Variants in PKP1 observed in about 807,000 individuals in gnomAD.
PKP1 encodes plakophilin 1, also known as plakophilin-1.
Under a neutral mutation model 76.4 loss-of-function variants are expected in PKP1, and 27 were observed. The ratio of observed to expected loss-of-function variants is 0.35; its 90% CI spans 0.26 to 0.49. PKP1 has a LOEUF of 0.49. Among genes scored for constraint, PKP1 ranks in the 20% least tolerant of loss-of-function variants. The pLI is 0.99. For missense variants in PKP1, 964 were observed against 955.2 expected (o/e 1.01, Z -0.12); for synonymous variants, 404 against 384.2 (o/e 1.05, Z -0.60).
chr1:201,317,820 G>C, intron 5 of PKP1, 41 bp downstream of exon 5: 1 of 1,574,668 alleles, frequency 6.4e-7, no homozygotes, highest in Non-Finnish European at 8.7e-7. Flanking sequence ...TGAGGGCTGT[G>C]CAAGGCCACT....
chr1:201,310,507 G>C (rs1292197360), intron 2 of PKP1, among the ~76,000 whole-genome samples: 1 of 152,322 alleles, frequency 6.6e-6, no homozygotes, highest in Non-Finnish European at 1.5e-5. Context: ...TGCCGTTTCA[G>C]CCTTCAAGGC....
intron 2 of PKP1, 75 bp from the exon 3 acceptor site, chr1:201,313,091 G>C (rs1214506616): frequency 6.9e-7 from 1 of 1,458,046 alleles, no homozygotes; most frequent in Non-Finnish European, 9.5e-7. Flanking sequence ...GGGGAGGGCT[G>C]TATCTCATGC....
At chr1:201,321,720 C>G (rs1383594845) in intron 7 of PKP1, among the ~76,000 whole-genome samples, 3 of 152,186 alleles carry the variant, frequency 2.0e-5, no homozygotes, top group African/African-American at 7.2e-5. Context: ...ATTGTAGTCT[C>G]ATTTTACATT....
rs1571570142 is a variant in PKP1, at chr1:201,332,908, C to G, written c.*2867C>G. 1 of 152,168 alleles carries G rather than the reference C, an allele frequency of 6.6e-6. No homozygotes were observed. Among genetic ancestry groups the G allele is most frequent in the Non-Finnish European group, 1.5e-5 (1 of 68,024 alleles). The allele number at this position is 152,168 out of a possible 1,614,324, so 9.4% of individuals were successfully genotyped here. On this transcript the variant is annotated 3_prime_UTR_variant, in exon 14 of 14. Transcript: ENST00000367324. ...TAGAGGAACCTTGTGCCGGCCAGGC[C>G]CAGTTTCCTTGTGTGATACACTAAT...
At chr1:201,309,388 C>T (rs1338578803) in intron 2 of PKP1, among the ~76,000 whole-genome samples, 1 of 152,088 alleles carries the variant, frequency 6.6e-6, no homozygotes, top group Non-Finnish European at 1.5e-5. Context: ...TGTGGGACCC[C>T]TCAAAAGCCC....
intron 4 of PKP1, 90 bp downstream of exon 4, chr1:201,316,787 T>A: frequency 7.1e-7 from 1 of 1,418,084 alleles, no homozygotes; most frequent in South Asian, 1.2e-5. Context: ...GGTGAGGGCA[T>A]CTGCAGTTGG....
At chr1:201,314,196 T>C (rs1238448718) in intron 3 of PKP1, among the ~76,000 whole-genome samples, 2 of 152,192 alleles carry the variant, frequency 1.3e-5, no homozygotes, top group Admixed American at 6.5e-5. Context: ...CTCACGCCTG[T>C]AATCCCAGCA....
At chr1:201,323,268 C>T in intron 9 of PKP1, 79 bp downstream of exon 9, 1 of 1,374,452 alleles carries the variant, frequency 7.3e-7, no homozygotes, top group South Asian at 1.2e-5. Flanking sequence ...TCCTTTTCCC[C>T]CCAGCCTGTC....
chr1:201,292,257 C>A lies in PKP1; in HGVS notation c.203-1685C>A, dbSNP rs562038324. 1.6e-4 allele frequency among the ~76,000 whole-genome samples: 25 copies of A among 152,290 alleles called. No homozygotes were observed. The East Asian group carries it at 4.8e-3, about 29-fold the overall frequency. ...TCAGGCACGTGTCACTATCATCACA[C>A]CACCACAGGGCAGTGGAACTGTACG... On this transcript the variant is annotated intron_variant, in intron 1 of 13. Coordinates refer to ENST00000367324, the MANE Select transcript of PKP1 (RefSeq NM_001005337.3).
Position 201,322,986 on chromosome 1 carries a change from C to A in PKP1, c.1504-27C>A, listed in dbSNP as rs1656994543. ...GTCCTCTCACAAGGCTCCCCATTGA[C>A]CCCCCTGACCGGCTCTTTATCCTCA... is the stretch of plus-strand genomic sequence containing the variant. On this transcript the variant is annotated intron_variant, in intron 8 of 13. Transcript: ENST00000367324. 2.5e-6 allele frequency: 4 copies of A among 1,609,678 alleles called. No homozygotes were observed. In the South Asian group the frequency reaches 3.3e-5, roughly 13 times the overall value.
intron 2 of PKP1, among the ~76,000 whole-genome samples, chr1:201,311,079 T>C (rs1656536510): frequency 2.0e-5 from 3 of 152,264 alleles, no homozygotes. Context: ...GTGTCGTTTA[T>C]GGAGAACAAG....
At chr1:201,294,666 T>G (rs1656022952) in intron 2 of PKP1, among the ~76,000 whole-genome samples, 1 of 152,250 alleles carries the variant, frequency 6.6e-6, no homozygotes, top group African/African-American at 2.4e-5. Flanking sequence ...TTAAATGAAC[T>G]AATGTACATG....
chr1:201,313,468 G>A lies in PKP1; in HGVS notation c.609G>A (p.Pro203=), dbSNP rs148914791. The change falls in exon 3 of 14, where the codon CCG becomes CCA. Residue 203 remains proline, a synonymous_variant. Transcript: ENST00000367324. The stretch of plus-strand genomic sequence containing the variant: ...CCATAAAGAAGTGCCCTGTGCGCCC[G>A]CCCTCTTGTGCCTCCAAGCAGGACC... ...QKAIKKCPVR[P]PSCASKQDPV... is the part of the protein sequence containing the mutation. The A allele has an allele frequency of 1.0e-4, 164 of 1,612,658 alleles. 1 individual carries two copies. The Middle Eastern group carries it at 1.2e-3, about 11-fold the overall frequency.
At chr1:201,319,998 C>A in intron 6 of PKP1, 3 of 1,131,696 alleles carry the variant, frequency 2.7e-6, no homozygotes, top group Non-Finnish European at 4.0e-6. Context: ...CTCATTTCAG[C>A]CTCAGCCAGG....
Position 201,313,371 on chromosome 1 carries a change from C to T in PKP1, c.512C>T (p.Thr171Met), listed in dbSNP as rs1472136920. 12 of 1,581,352 alleles carry T rather than the reference C, an allele frequency of 7.6e-6. No individual in the cohort carries two copies. Among genetic ancestry groups the T allele is most frequent in the East Asian group, 6.9e-5 (3 of 43,588 alleles). ...CDPRGTLRKG[T>M]LGSKGQKTTQ... Reference sequence around the variant, plus strand: ...CCACGGGGCACCCTGCGCAAGGGCACGCTGGGCAGCAAGGGCCAGAAGACC... The same window carrying T: ...CCACGGGGCACCCTGCGCAAGGGCATGCTGGGCAGCAAGGGCCAGAAGACC... Residue 171 changes from threonine (T) to methionine (M), a missense_variant, in exon 3 of 14, where the codon ACG (threonine) becomes ATG (methionine). Physicochemically the swap from Thr to Met is moderately conservative, Grantham distance 81. Coordinates refer to ENST00000367324, the MANE Select transcript of PKP1 (RefSeq NM_001005337.3).
rs564978602 is a variant in PKP1, at chr1:201,308,197, C to G, written c.307-4969C>G. On this transcript the variant is annotated intron_variant, in intron 2 of 13. Transcript: ENST00000367324. ...CACAGCTGGACCCCATGCCGTGCAC[C>G]GGCACAGGCTGCCTCACCCTGCCTA... Among the ~76,000 whole-genome samples the G allele has an allele frequency of 2.0e-5, 3 of 148,674 alleles. No homozygotes were observed. In the South Asian group the frequency reaches 6.3e-4, roughly 31 times the overall value.
At chr1:201,288,654 C>T (rs551214561) in intron 1 of PKP1, among the ~76,000 whole-genome samples, 1 of 152,304 alleles carries the variant, frequency 6.6e-6, no homozygotes, top group South Asian at 2.1e-4. Flanking sequence ...CACACACGCA[C>T]ACTTAATGTA....
intron 3 of PKP1, among the ~76,000 whole-genome samples, chr1:201,315,678 T>A (rs534401709): frequency 6.6e-6 from 1 of 152,320 alleles, no homozygotes; most frequent in East Asian, 1.9e-4. Flanking sequence ...TTAAAACATA[T>A]GAAATTTCTG....
chr1:201,306,226 G>T (rs1437908110), intron 2 of PKP1, among the ~76,000 whole-genome samples: 1 of 152,232 alleles, frequency 6.6e-6, no homozygotes, highest in Non-Finnish European at 1.5e-5. Context: ...TTTTTCCACA[G>T]TGCAGTAAAT....
Sources: gnomAD v4.1 joint callset for allele counts (sites outside exome capture counted in the v4.1 genomes callset) on GRCh38, gnomAD v4.1.1 for gene constraint, MANE v1.5 for transcripts, NCBI Gene and HGNC (gene_info 2026-07-23, HGNC 2026-07-21) for gene names.